Variants in SGCD observed in about 807,000 individuals in gnomAD.
SGCD encodes the protein delta-sarcoglycan.
In SGCD, 18 loss-of-function variants were observed where a neutral mutation model predicts 36.6. The ratio of observed to expected loss-of-function variants is 0.49; its 90% confidence interval spans 0.34 to 0.73. The LOEUF is 0.73. SGCD is among the 30% of genes least tolerant of loss of function. The pLI is 0.01. For missense variants in SGCD, 387 were observed against 346.7 expected, an observed-to-expected ratio of 1.12 and a Z score of -0.92; for synonymous variants, 133 against 130.6, an observed-to-expected ratio of 1.02 and a Z score of -0.12.
At chr5:156,383,269 C>T (rs754758531) in intron 3 of SGCD, among the ~76,000 whole-genome samples, 1 of 151,946 alleles carries the variant, frequency 6.6e-6, no homozygotes, top group Non-Finnish European at 1.5e-5. Context: ...TTTGGGAGGC[C>T]GAGGCAGGCA....
chr5:155,751,757 A>T, the SGCD span, among the ~76,000 whole-genome samples: 1 of 152,152 alleles, frequency 6.6e-6, no homozygotes, highest in Admixed American at 6.5e-5. Flanking sequence ...ATTTTGCTCA[A>T]ACAAGAACCA....
chr5:155,879,533 G>A (rs890698933), intron 1 of SGCD, among the ~76,000 whole-genome samples: 1 of 152,024 alleles, frequency 6.6e-6, no homozygotes, highest in South Asian at 2.1e-4. Flanking sequence ...ATTTCCTTTG[G>A]ATGCAAGTAT....
At chr5:155,841,562 TG>T in the SGCD span, among the ~76,000 whole-genome samples, 1 of 152,240 alleles carries the variant, frequency 6.6e-6, no homozygotes, top group Admixed American at 6.5e-5. Flanking sequence ...TCTGCCATTT[TG>T]GGGGGGTTGG....
chr5:156,122,844 A>T lies in SGCD; in HGVS notation c.-207-1012A>T, dbSNP rs928607657. Reference sequence around the variant, plus strand: ...CCAGCATGGTAGTAAAAGATGTGGTAAAAAAAAAAAAAAAAAAAAAAAAAA... The same window carrying T: ...CCAGCATGGTAGTAAAAGATGTGGTTAAAAAAAAAAAAAAAAAAAAAAAAA... On this transcript the variant is annotated intron_variant, in intron 2 of 9. Coordinates refer to the SGCD transcript ENST00000517913. 7.9e-4 allele frequency among the ~76,000 whole-genome samples: 22 copies of T among 27,924 alleles called. No homozygotes were observed. The South Asian group carries it at 9.7e-3, about 12-fold the overall frequency. 18.3% of individuals were successfully genotyped at this position (27,924 alleles called of 152,430 possible). A position where few individuals can be genotyped will look rare whatever the true frequency, so the allele number is the denominator to read the frequency against.
intron 7 of SGCD, among the ~76,000 whole-genome samples, chr5:156,665,339 T>A (rs2113641285): frequency 6.6e-6 from 1 of 152,344 alleles, no homozygotes; most frequent in Middle Eastern, 3.4e-3. Flanking sequence ...TAGTCAACAT[T>A]TTGCGTTGAC....
the SGCD span, among the ~76,000 whole-genome samples, chr5:155,839,444 C>G: frequency 6.6e-6 from 1 of 152,134 alleles, no homozygotes; most frequent in Non-Finnish European, 1.5e-5. Context: ...ATGTATAATG[C>G]TAGTAACAGC....
At chr5:155,735,100 A>C in the SGCD span, among the ~76,000 whole-genome samples, 1 of 152,338 alleles carries the variant, frequency 6.6e-6, no homozygotes, top group Non-Finnish European at 1.5e-5. Context: ...ACTTTGAGCT[A>C]ATTCTATGTG....
intron 1 of SGCD, among the ~76,000 whole-genome samples, chr5:156,115,613 C>T (rs183364309): frequency 4.6e-5 from 7 of 151,920 alleles, no homozygotes; most frequent in Non-Finnish European, 7.4e-5. Context: ...TTCAAATTAT[C>T]GATTATATTT....
chr5:156,226,839 TC>T (rs1309987550), intron 3 of SGCD, among the ~76,000 whole-genome samples: 6 of 152,152 alleles, frequency 3.9e-5, no homozygotes, highest in African/African-American at 1.2e-4. Context: ...ATTTCCCTGA[TC>T]ATTAGTGACA....
intron 1 of SGCD, among the ~76,000 whole-genome samples, chr5:155,939,315 A>T (rs981855366): frequency 6.6e-6 from 1 of 152,182 alleles, no homozygotes. Context: ...TGTTGTACAC[A>T]CTAAATATAT....
chr5:155,814,047 G>A, the SGCD span, among the ~76,000 whole-genome samples: 1 of 152,116 alleles, frequency 6.6e-6, no homozygotes, highest in Non-Finnish European at 1.5e-5. Context: ...GGGGGAATGG[G>A]CACCTACATG....
At chr5:156,142,777 A>T (rs74916835) in intron 3 of SGCD, among the ~76,000 whole-genome samples, 3,110 of 152,314 alleles carry the variant, frequency 0.02, 45 homozygotes, top group Non-Finnish European at 0.034. Flanking sequence ...TAACAGCCTA[A>T]GTCCTTATGT....
At chr5:156,153,162 T>G (rs1037537098) in intron 3 of SGCD, among the ~76,000 whole-genome samples, 10 of 151,738 alleles carry the variant, frequency 6.6e-5, no homozygotes, top group Admixed American at 2.0e-4. Context: ...CACCTTTCTA[T>G]TCTATGAACT....
chr5:156,025,432 G>A (rs141375329), intron 1 of SGCD, among the ~76,000 whole-genome samples: 2 of 152,276 alleles, frequency 1.3e-5, no homozygotes, highest in South Asian at 2.1e-4. Context: ...ACCACTCTCA[G>A]TCAAATTGTA....
At chr5:156,407,879 T>G (rs1369360563) in intron 3 of SGCD, among the ~76,000 whole-genome samples, 1 of 152,180 alleles carries the variant, frequency 6.6e-6, no homozygotes, top group Non-Finnish European at 1.5e-5. Context: ...TTTAAGACAT[T>G]CCACTCCCAA....
intron 3 of SGCD, among the ~76,000 whole-genome samples, chr5:156,163,893 C>A (rs932559326): frequency 6.7e-6 from 1 of 149,978 alleles, no homozygotes; most frequent in African/African-American, 2.5e-5. Flanking sequence ...CGTGGTGGCA[C>A]GCGCCTGTAG....
intron 7 of SGCD, among the ~76,000 whole-genome samples, chr5:156,689,779 G>C (rs371695260): frequency 6.6e-6 from 1 of 152,128 alleles, no homozygotes; most frequent in Non-Finnish European, 1.5e-5. Context: ...GATTATTCAA[G>C]ATTAAAGATA....
At chr5:155,970,716 T>A (rs946646444) in intron 1 of SGCD, among the ~76,000 whole-genome samples, 2 of 152,184 alleles carry the variant, frequency 1.3e-5, no homozygotes, top group Non-Finnish European at 2.9e-5. Flanking sequence ...ATGTATAACG[T>A]GTATACATTT....
chr5:156,453,233 A>T (rs1306546888), intron 3 of SGCD, among the ~76,000 whole-genome samples: 5 of 152,308 alleles, frequency 3.3e-5, no homozygotes, highest in Admixed American at 6.5e-5. Flanking sequence ...GCACTGTCAC[A>T]TGGAAGAGGA....
Sources: allele counts gnomAD v4.1 joint callset (sites outside exome capture counted in the v4.1 genomes callset), GRCh38; gene constraint gnomAD v4.1.1; transcripts MANE v1.5; gene names NCBI Gene and HGNC (gene_info 2026-07-23, HGNC 2026-07-21).